The following RPH3A variants were observed in gnomAD, a reference collection of about 807,000 sequenced individuals.
RPH3A encodes rabphilin-3A.
A neutral mutation model predicts 102.2 loss-of-function variants in RPH3A; 48 were observed. The ratio of observed to expected loss-of-function variants is 0.47; its 90% confidence interval spans 0.37 to 0.60. The LOEUF (loss-of-function observed/expected upper bound fraction) is 0.60, where lower values mean the gene tolerates loss of function less well. RPH3A is among the 20% of genes least tolerant of loss of function. The pLI is 0.00. For synonymous variants in RPH3A, 310 were observed against 324.3 expected, an observed-to-expected ratio of 0.96 and a Z score of 0.47; for missense variants, 781 against 910.1, an observed-to-expected ratio of 0.86 and a Z score of 1.83.
Position 112,889,976 on chromosome 12 carries a change from A to G in RPH3A, c.1564-48A>G, listed in dbSNP as rs770566930. 6 of 1,563,972 alleles carry G rather than the reference A, an allele frequency of 3.8e-6. No homozygotes were observed. The African/African-American group carries it at 4.1e-5, about 11-fold the overall frequency. ...TTTCTGGTCCTTCTTGCGCAGGAAG[A>G]TGAGCTCCATAGACAATGTTATCTT... On this transcript the variant is annotated intron_variant, in intron 17 of 21. Transcript: ENST00000389385.
At chr12:112,895,594 T>G in intron 20 of RPH3A, 183 bp from the exon 21 acceptor site, 1 of 552,182 alleles carries the variant, frequency 1.8e-6, no homozygotes, top group Non-Finnish European at 3.3e-6. Flanking sequence ...TTACACAGAG[T>G]GTTTGTTGGA....
chr12:112,796,599 G>T (rs12321233), intron 2 of RPH3A, among the ~76,000 whole-genome samples: 2 of 152,342 alleles, frequency 1.3e-5, no homozygotes, highest in South Asian at 2.1e-4. Context: ...GTTGGTGAAA[G>T]GTTTGAAAGG....
intron 1 of RPH3A, among the ~76,000 whole-genome samples, chr12:112,613,180 G>A (rs1183519766): frequency 6.6e-6 from 1 of 152,160 alleles, no homozygotes; most frequent in Non-Finnish European, 1.5e-5. Context: ...GCATGGCCAA[G>A]GACACAAATC....
chr12:112,737,525 C>T (rs376721119), intron 1 of RPH3A, among the ~76,000 whole-genome samples: 2 of 152,100 alleles, frequency 1.3e-5, no homozygotes, highest in Admixed American at 6.6e-5. Flanking sequence ...CTGGAATATT[C>T]GAGGACTGTT....
At chr12:112,817,863 G>T (rs1029625765) in intron 2 of RPH3A, among the ~76,000 whole-genome samples, 1 of 152,156 alleles carries the variant, frequency 6.6e-6, no homozygotes. Context: ...CTGAAGGCTG[G>T]TGTATTTTTC....
intron 5 of RPH3A, among the ~76,000 whole-genome samples, chr12:112,862,556 C>T (rs867425228): frequency 6.6e-6 from 1 of 152,182 alleles, no homozygotes; most frequent in Non-Finnish European, 1.5e-5. Flanking sequence ...GCTTCCTGCC[C>T]CCTCCAATCA....
chr12:112,725,163 T>C (rs1189784935), intron 1 of RPH3A, among the ~76,000 whole-genome samples: 3 of 141,704 alleles, frequency 2.1e-5, no homozygotes, highest in African/African-American at 8.1e-5. Context: ...GCGGGAGAAT[T>C]GCTTGAACCT....
At chr12:112,812,132 C>T (rs566531359) in intron 2 of RPH3A, among the ~76,000 whole-genome samples, 38 of 151,940 alleles carry the variant, frequency 2.5e-4, no homozygotes, top group African/African-American at 8.5e-4. Context: ...GATTGGGGAA[C>T]TTAACCAACT....
chr12:112,674,331 T>C (rs1733969536), intron 1 of RPH3A, among the ~76,000 whole-genome samples: 1 of 152,168 alleles, frequency 6.6e-6, no homozygotes, highest in Admixed American at 6.5e-5. Flanking sequence ...GGCAAGAGGC[T>C]GCCTAACGAC....
intron 1 of RPH3A, among the ~76,000 whole-genome samples, chr12:112,642,200 CCTA>C (rs2039895582): frequency 2.6e-5 from 4 of 152,140 alleles, no homozygotes; most frequent in African/African-American, 9.7e-5. Flanking sequence ...TTATTTCATG[CCTA>C]CTGTGTGCCT....
chr12:112,712,904 C>CTTCTTCT (rs2040475211), intron 1 of RPH3A, among the ~76,000 whole-genome samples: 7 of 92,526 alleles, frequency 7.6e-5, no homozygotes, highest in South Asian at 8.6e-4. Flanking sequence ...CTTCTTCTTC[C>CTTCTTCT]TCTTCTTCTT....
At chr12:112,868,844 C>G (rs1474265234) in intron 8 of RPH3A, 2 of 426,764 alleles carry the variant, frequency 4.7e-6, no homozygotes, top group Non-Finnish European at 8.3e-6. Context: ...GGTGGCATAT[C>G]TAGTGTACAA....
chr12:112,615,283 T>C (rs1200217942), intron 1 of RPH3A, among the ~76,000 whole-genome samples: 2 of 152,136 alleles, frequency 1.3e-5, no homozygotes, highest in Non-Finnish European at 2.9e-5. Context: ...ACAGACCTGT[T>C]GTGTGAAGAT....
chr12:112,733,498 C>T (rs1399047144), intron 1 of RPH3A, among the ~76,000 whole-genome samples: 1 of 152,110 alleles, frequency 6.6e-6, no homozygotes, highest in Non-Finnish European at 1.5e-5. Context: ...GTGATGCAGG[C>T]TTGAAGTGTT....
chr12:112,712,898 T>C (rs920843067), intron 1 of RPH3A, among the ~76,000 whole-genome samples: 4 of 130,694 alleles, frequency 3.1e-5, no homozygotes, highest in African/African-American at 6.4e-5. Context: ...CTTCTTCTTC[T>C]TCTTCCTCTT....
At chr12:112,699,780 T>C (rs2040379583) in intron 1 of RPH3A, among the ~76,000 whole-genome samples, 6 of 152,250 alleles carry the variant, frequency 3.9e-5, no homozygotes, top group Admixed American at 3.9e-4. Flanking sequence ...AAGGTTGATA[T>C]AAAAGTGAAA....
At chr12:112,615,955 C>T (rs1307419340) in intron 1 of RPH3A, among the ~76,000 whole-genome samples, 6 of 152,108 alleles carry the variant, frequency 3.9e-5, no homozygotes, top group African/African-American at 1.4e-4. Flanking sequence ...GAGATGGGGG[C>T]ACTGAGGTCT....
chr12:112,863,683 C>T (rs1030582138), intron 5 of RPH3A, among the ~76,000 whole-genome samples: 1 of 152,202 alleles, frequency 6.6e-6, no homozygotes, highest in African/African-American at 2.4e-5. Flanking sequence ...ATTTAACTTC[C>T]CTGTGCCACT....
intron 2 of RPH3A, among the ~76,000 whole-genome samples, chr12:112,822,430 G>A (rs543817514): frequency 2.0e-5 from 3 of 152,334 alleles, no homozygotes; most frequent in Admixed American, 2.0e-4. Context: ...TAGGCTTTGC[G>A]TTGTTTTTTC....
Sources: allele counts gnomAD v4.1 joint callset (sites outside exome capture counted in the v4.1 genomes callset), GRCh38; gene constraint gnomAD v4.1.1; transcripts MANE v1.5; gene names NCBI Gene and HGNC (gene_info 2026-07-23, HGNC 2026-07-21).